Variants in RNF170 observed in about 807,000 individuals in gnomAD.
RNF170 encodes the protein E3 ubiquitin-protein ligase RNF170.
RNF170 carries 12 observed loss-of-function variants against 32.7 expected under a neutral mutation model. The ratio of observed to expected loss-of-function variants is 0.37; its 90% CI spans 0.24 to 0.60. The LOEUF (loss-of-function observed/expected upper bound fraction) is 0.60. RNF170 is among the 20% of genes least tolerant of loss of function. The pLI is 0.72. For missense variants in RNF170, 212 were observed against 311.2 expected (o/e 0.68, Z 2.40); for synonymous variants, 91 against 103.6 (o/e 0.88, Z 0.74).
At chr8:42,872,607 C>CA (rs1424667786) in intron 3 of RNF170, among the ~76,000 whole-genome samples, 1 of 151,702 alleles carries the variant, frequency 6.6e-6, no homozygotes, top group Non-Finnish European at 1.5e-5. Context: ...CATGCCCGGC[C>CA]AATTTTTGTA....
At chr8:42,875,097 G>T (rs1701863777) in intron 2 of RNF170, among the ~76,000 whole-genome samples, 1 of 151,800 alleles carries the variant, frequency 6.6e-6, no homozygotes, top group South Asian at 2.1e-4. Context: ...CTTAAACCCC[G>T]GAGGTGGAGG....
chr8:42,856,149 G>GT lies in RNF170; in HGVS notation c.*9dup. 1 of 1,611,744 alleles carries GT rather than the reference G, an allele frequency of 6.2e-7. No individual in the cohort carries two copies. The highest frequency in any genetic ancestry group is 1.1e-5 in the South Asian group (1 of 90,674). On this transcript the variant is annotated 3_prime_UTR_variant, in exon 7 of 7. Coordinates refer to ENST00000527424, the MANE Select transcript of RNF170 (RefSeq NM_030954.4). ...CAGATATCCTAGTAAACTCAGTTTT[G>GT]TTTTCTTTTTCATCTAGTTAGCCTT...
At chr8:42,876,137 G>A (rs1286297949) in intron 2 of RNF170, among the ~76,000 whole-genome samples, 4 of 151,788 alleles carry the variant, frequency 2.6e-5, no homozygotes, top group Non-Finnish European at 5.9e-5. Context: ...CATGAACCAC[G>A]TGACTGGAAA....
rs1563274186 is a variant in RNF170 at position 42,887,795 on chromosome 8, C to CGCTT, written c.66_69dup (p.Asp24LysfsTer62). The CGCTT allele has an allele frequency of 6.2e-7, 1 of 1,613,670 alleles. No homozygotes were observed. Among genetic ancestry groups the CGCTT allele is most frequent in the Non-Finnish European group, 8.5e-7 (1 of 1,179,720 alleles). ...ACCACAACTGCCACAAGTACTTGGT[C>CGCTT]GCTTACTCCTTCTATAACTGAATCA... On this transcript the variant is annotated frameshift_variant, in exon 2 of 7. Coordinates refer to ENST00000527424, the MANE Select transcript of RNF170 (RefSeq NM_030954.4). LOFTEE classifies it high-confidence loss of function.
At chr8:42,851,170 A>ACT (rs1247802270), downstream of RNF170, among the ~76,000 whole-genome samples, 1 of 151,732 alleles carries the variant, frequency 6.6e-6, no homozygotes, top group African/African-American at 2.4e-5. Context: ...GACACACAGA[A>ACT]CTCTCCTTGG....
rs762233512 is a variant in RNF170, at chr8:42,890,316, C to T, written c.-7-2445G>A. 4.8e-5 allele frequency among the ~76,000 whole-genome samples: 7 copies of T among 145,450 alleles called. No individual in the cohort carries two copies. The South Asian group carries it at 6.5e-4, about 13-fold the overall frequency. On this transcript the variant is annotated intron_variant, in intron 1 of 6. Transcript: ENST00000527424. ...TTTTTGAGACGGAGTCTTGCTCTGTCGCCCAGGCTGGAGTGCAGCAACGCG... is the reference window on the plus strand; with the variant it reads ...TTTTTGAGACGGAGTCTTGCTCTGTTGCCCAGGCTGGAGTGCAGCAACGCG...
intron 2 of RNF170, among the ~76,000 whole-genome samples, chr8:42,887,162 T>G (rs958051536): frequency 1.3e-5 from 2 of 151,976 alleles, no homozygotes; most frequent in Non-Finnish European, 2.9e-5. Context: ...CATGGTGGCA[T>G]GTGCCTGTAA....
Position 42,854,807 on chromosome 8 carries a change from C to T in RNF170, c.*1352G>A. The T allele has an allele frequency of 7.8e-7, 1 of 1,287,326 alleles. No homozygotes were observed. Among genetic ancestry groups the T allele is most frequent in the Non-Finnish European group, 1.0e-6 (1 of 988,704 alleles). The allele number at this position is 1,287,326 out of a possible 1,614,324, so 79.7% of individuals were successfully genotyped here. On this transcript the variant is annotated 3_prime_UTR_variant, in exon 7 of 7. Transcript: ENST00000527424. ...TACATTCACTAATGAGCAACGCCAG[C>T]TGAAGTGAGTAAGATCTCCCAGTAC...
chr8:42,879,785 G>A (rs1305694124), intron 2 of RNF170, among the ~76,000 whole-genome samples: 5 of 151,520 alleles, frequency 3.3e-5, no homozygotes, highest in African/African-American at 7.3e-5. Flanking sequence ...AGCAATTCTC[G>A]TGCCTCAGCC....
chr8:42,868,851 C>CAAAAA (rs56822241), intron 4 of RNF170, among the ~76,000 whole-genome samples: 1 of 73,746 alleles, frequency 1.4e-5, no homozygotes, highest in Admixed American at 1.5e-4. Flanking sequence ...GACTGCATTT[C>CAAAAA]AAAAAAAAAA....
At chr8:42,871,029 T>C (rs758561520) in intron 3 of RNF170, among the ~76,000 whole-genome samples, 9 of 151,774 alleles carry the variant, frequency 5.9e-5, no homozygotes, top group Non-Finnish European at 1.3e-4. Context: ...GTCAACATGG[T>C]GAAACCCTGT....
Position 42,887,849 on chromosome 8 carries a change from C to G in RNF170, c.16G>C (p.Gly6Arg), listed in dbSNP as rs780894121. MAKYQ[G>R]EVQSLKLDDD... Reference sequence around the variant, plus strand: ...TCCAGTTTCAAACTTTGAACTTCACCTTGATATTTGGCCATTCCAGGTCTA... The same window carrying G: ...TCCAGTTTCAAACTTTGAACTTCACGTTGATATTTGGCCATTCCAGGTCTA... Residue 6 changes from glycine to arginine, a missense_variant, in exon 2 of 7, where the codon GGT becomes CGT. Physicochemically the swap from Gly to Arg is moderately radical, Grantham distance 125. Around this residue, in one of 2 missense-constraint regions of RNF170, gnomAD observed 115 missense variants for 132.3 expected, o/e 0.87. Coordinates refer to ENST00000527424, the MANE Select transcript of RNF170 (RefSeq NM_030954.4). 5.0e-6 allele frequency: 8 copies of G among 1,613,916 alleles called. No individual in the cohort carries two copies. In the South Asian group the frequency reaches 8.8e-5, roughly 18 times the overall value.
At chr8:42,872,716 C>T (rs1413249012) in intron 3 of RNF170, among the ~76,000 whole-genome samples, 2 of 152,092 alleles carry the variant, frequency 1.3e-5, no homozygotes, top group South Asian at 2.1e-4. Context: ...GCTGGGATTA[C>T]AGGCGTGAGC....
Position 42,855,175 on chromosome 8 carries a change from TA to T in RNF170, c.*983del. On this transcript the variant is annotated 3_prime_UTR_variant, in exon 7 of 7. Transcript: ENST00000527424. ...TACTACGAAAGGATGAGCTCTTGTT[TA>T]AATGTCTAACTGTGAACATCAAGTG... 7.8e-7 allele frequency: 1 copy of T among 1,287,004 alleles called. No homozygotes were observed. Among genetic ancestry groups the T allele is most frequent in the Non-Finnish European group, 1.0e-6 (1 of 988,626 alleles). 79.7% of individuals were successfully genotyped at this position (1,287,004 alleles called of 1,614,324 possible).
chr8:42,864,819 A>G (rs560545041), intron 5 of RNF170, among the ~76,000 whole-genome samples: 1 of 152,102 alleles, frequency 6.6e-6, no homozygotes, highest in South Asian at 2.1e-4. Context: ...CAAAACAAGT[A>G]TATATGCATA....
intron 3 of RNF170, among the ~76,000 whole-genome samples, chr8:42,870,607 G>A (rs1447570439): frequency 1.3e-5 from 2 of 152,106 alleles, no homozygotes; most frequent in South Asian, 2.1e-4. Context: ...GCATGCGCCT[G>A]TAGTCCCAGC....
At chr8:42,897,164 G>A, upstream of RNF170, 1 of 1,249,176 alleles carries the variant, frequency 8.0e-7, no homozygotes, top group Non-Finnish European at 1.0e-6. Flanking sequence ...AGCGGGCGGA[G>A]CTGTGCGAGA....
chr8:42,895,563 T>G (rs1806727854), intron 1 of RNF170, among the ~76,000 whole-genome samples: 1 of 151,936 alleles, frequency 6.6e-6, no homozygotes, highest in Admixed American at 6.6e-5. Flanking sequence ...TCCAACATAT[T>G]TGCACTACGT....
chr8:42,876,622 A>G (rs758789247), intron 2 of RNF170, among the ~76,000 whole-genome samples: 12 of 151,170 alleles, frequency 7.9e-5, no homozygotes, highest in Non-Finnish European at 1.3e-4. Flanking sequence ...TTATTGTTTA[A>G]GCCACCCAGT....
Sources: gnomAD v4.1 joint callset for allele counts (sites outside exome capture counted in the v4.1 genomes callset) on GRCh38, gnomAD v4.1.1 for gene constraint, gnomAD v4.1.1 regional missense constraint, MANE v1.5 for transcripts, NCBI Gene and HGNC (gene_info 2026-07-23, HGNC 2026-07-21) for gene names.